Variants in INPP4B observed in about 807,000 individuals in gnomAD.
INPP4B encodes the protein inositol polyphosphate-4-phosphatase type II B, also known as inositol polyphosphate 4-phosphatase type II.
In INPP4B, 55 loss-of-function variants were observed where a neutral mutation model predicts 122.5. The observed-to-expected ratio is 0.45, with a 90% CI of 0.36 to 0.56. INPP4B has a LOEUF of 0.56. Among genes scored for constraint, INPP4B ranks in the 20% least tolerant of loss-of-function variants. The probability of loss-of-function intolerance (pLI) is 0.00; values close to 1 mark genes in which losing one functional copy is unlikely to be tolerated. For synonymous variants in INPP4B, 403 were observed against 388.7 expected, an observed-to-expected ratio of 1.04 and a Z score of -0.43; for missense variants, 1,000 against 1,097.7, an observed-to-expected ratio of 0.91 and a Z score of 1.26.
intron 5 of INPP4B, among the ~76,000 whole-genome samples, chr4:142,423,397 G>A (rs1183666733): frequency 6.6e-6 from 1 of 151,984 alleles, no homozygotes; most frequent in Non-Finnish European, 1.5e-5. Flanking sequence ...ACAGAAAACT[G>A]ATCACATGAT....
intron 15 of INPP4B, among the ~76,000 whole-genome samples, chr4:142,191,553 C>A (rs1835839019): frequency 6.6e-6 from 1 of 152,188 alleles, no homozygotes; most frequent in Admixed American, 6.5e-5. Flanking sequence ...TTTGAATTAA[C>A]TTCCAACTCC....
At chr4:142,119,063 C>T (rs1460667076) in intron 21 of INPP4B, among the ~76,000 whole-genome samples, 1 of 152,146 alleles carries the variant, frequency 6.6e-6, no homozygotes, top group Admixed American at 6.5e-5. Context: ...CATCACTGGC[C>T]ATCAGAGAAA....
At chr4:142,603,987 T>A (rs1439411711) in intron 2 of INPP4B, among the ~76,000 whole-genome samples, 2 of 151,958 alleles carry the variant, frequency 1.3e-5, no homozygotes, top group African/African-American at 4.8e-5. Context: ...AATGAAGTAC[T>A]AGTAAACTGA....
At chr4:142,223,268 T>G (rs1850165694) in intron 12 of INPP4B, among the ~76,000 whole-genome samples, 1 of 152,062 alleles carries the variant, frequency 6.6e-6, no homozygotes, top group South Asian at 2.1e-4. Flanking sequence ...ACTCAATTAC[T>G]ATAGTAGCTC....
intron 25 of INPP4B, among the ~76,000 whole-genome samples, chr4:142,048,774 T>TA (rs1366279295): frequency 6.6e-6 from 1 of 151,994 alleles, no homozygotes; most frequent in Non-Finnish European, 1.5e-5. Context: ...TACTTGGATT[T>TA]AAAATATTAG....
chr4:142,532,056 A>G (rs1257907381), intron 2 of INPP4B, among the ~76,000 whole-genome samples: 1 of 152,140 alleles, frequency 6.6e-6, no homozygotes, highest in Non-Finnish European at 1.5e-5. Flanking sequence ...ATATTTTTCA[A>G]ATTGATTTCT....
chr4:142,160,171 T>A (rs1345457865), intron 17 of INPP4B, among the ~76,000 whole-genome samples, 187 bp downstream of exon 17: 13 of 151,986 alleles, frequency 8.6e-5, no homozygotes, highest in Non-Finnish European at 5.9e-5. Flanking sequence ...GGCTAGCAAA[T>A]AAATTTTATC....
At chr4:142,840,861 C>T (rs1459265963) in intron 1 of INPP4B, among the ~76,000 whole-genome samples, 1 of 151,896 alleles carries the variant, frequency 6.6e-6, no homozygotes, top group African/African-American at 2.4e-5. Context: ...AATAAGAATG[C>T]TATTGGAGAT....
rs200495174 is a variant in INPP4B at position 142,530,019 on chromosome 4, G to GT, written c.-190-67294_-190-67293insA. Among the ~76,000 whole-genome samples, 949 of 152,190 alleles carry GT rather than the reference G, an allele frequency of 6.2e-3. 24 individuals are homozygous for GT. The highest frequency in any genetic ancestry group is 0.031 in the Admixed American group (471 of 15,256). ...AAAGCTACATAGGAACATGCAGGGG[G>GT]CAGGAACATGCAATAAAGGAAAACC... On this transcript the variant is annotated intron_variant, in intron 2 of 25. Coordinates refer to ENST00000262992, the MANE Select transcript of INPP4B (RefSeq NM_001101669.3).
At chr4:142,695,027 A>T (rs1055226039) in intron 2 of INPP4B, among the ~76,000 whole-genome samples, 1 of 152,160 alleles carries the variant, frequency 6.6e-6, no homozygotes, top group Admixed American at 6.5e-5. Flanking sequence ...AAAGTCAAGG[A>T]TATTTGCACA....
chr4:142,396,785 G>A (rs1799509825), intron 7 of INPP4B, among the ~76,000 whole-genome samples: 1 of 152,204 alleles, frequency 6.6e-6, no homozygotes, highest in East Asian at 1.9e-4. Context: ...ATGGGCTAAT[G>A]ATTCATGCAG....
chr4:142,174,492 T>G (rs751595329), intron 15 of INPP4B, among the ~76,000 whole-genome samples: 86 of 152,086 alleles, frequency 5.7e-4, no homozygotes, highest in Non-Finnish European at 1.0e-3. Context: ...ATGGACAAAT[T>G]TATTGGACAG....
At chr4:142,405,551 T>C (rs1386656715) in intron 5 of INPP4B, among the ~76,000 whole-genome samples, 3 of 152,124 alleles carry the variant, frequency 2.0e-5, no homozygotes, top group Admixed American at 6.5e-5. Flanking sequence ...TTGCAGTTCA[T>C]GCAAGTCTTT....
chr4:142,594,135 T>G (rs1387742657), intron 2 of INPP4B, among the ~76,000 whole-genome samples: 1 of 152,194 alleles, frequency 6.6e-6, no homozygotes, highest in Non-Finnish European at 1.5e-5. Context: ...ACAATTCCAT[T>G]TAACTCAAGC....
intron 1 of INPP4B, among the ~76,000 whole-genome samples, chr4:142,841,183 A>T (rs1203916091): frequency 1.3e-5 from 2 of 152,036 alleles, no homozygotes; most frequent in Non-Finnish European, 2.9e-5. Flanking sequence ...GACATCATAG[A>T]GTGTTAACTG....
At chr4:142,256,621 G>C (rs1365796497) in intron 11 of INPP4B, among the ~76,000 whole-genome samples, 17 of 152,182 alleles carry the variant, frequency 1.1e-4, no homozygotes, top group East Asian at 9.7e-4. Flanking sequence ...TGGATAAATT[G>C]CTCAACACAT....
intron 25 of INPP4B, among the ~76,000 whole-genome samples, chr4:142,030,950 G>T: frequency 6.6e-6 from 1 of 152,054 alleles, no homozygotes; most frequent in East Asian, 1.9e-4. Flanking sequence ...ATCTTCTTTA[G>T]ATAGGGCCAA....
At chr4:142,650,457 G>A (rs1439865217) in intron 2 of INPP4B, among the ~76,000 whole-genome samples, 2 of 151,722 alleles carry the variant, frequency 1.3e-5, no homozygotes, top group Non-Finnish European at 2.9e-5. Flanking sequence ...TCAGTGTGCT[G>A]TATTCAGGAG....
At chr4:142,518,529 T>G (rs553478576) in intron 2 of INPP4B, among the ~76,000 whole-genome samples, 208 of 152,262 alleles carry the variant, frequency 1.4e-3, no homozygotes, top group Non-Finnish European at 2.4e-3. Flanking sequence ...GGTGACTTCC[T>G]CTAATGATTG....
Sources: gnomAD v4.1 joint callset for allele counts (sites outside exome capture counted in the v4.1 genomes callset) on GRCh38, gnomAD v4.1.1 for gene constraint, MANE v1.5 for transcripts, NCBI Gene and HGNC (gene_info 2026-07-23, HGNC 2026-07-21) for gene names.